Variants in GRM7 observed in about 807,000 individuals in gnomAD.
The protein encoded by GRM7 is metabotropic glutamate receptor 7.
Under a neutral mutation model 84.5 loss-of-function variants are expected in GRM7, and 35 were observed. That is an observed-to-expected ratio of 0.41 (90% CI 0.32 to 0.55). GRM7 has a LOEUF of 0.55. GRM7 is among the 20% of genes least tolerant of loss of function. The pLI is 0.19. For synonymous variants in GRM7, 487 were observed against 455.1 expected (o/e 1.07, Z -0.89); for missense variants, 1,003 against 1,194.6 (o/e 0.84, Z 2.36).
chr3:7,104,702 C>T (rs17046773), intron 1 of GRM7, among the ~76,000 whole-genome samples: 4,162 of 151,716 alleles, frequency 0.027, 187 homozygotes, highest in African/African-American at 0.096. Flanking sequence ...TTTTATCAGT[C>T]ATCAAGCCCG....
intron 2 of GRM7, among the ~76,000 whole-genome samples, chr3:7,243,978 G>A (rs1265377944): frequency 6.6e-6 from 1 of 152,066 alleles, no homozygotes; most frequent in Admixed American, 6.6e-5. Context: ...CACTTGTGTG[G>A]GGCACTTAAC....
intron 4 of GRM7, among the ~76,000 whole-genome samples, chr3:7,327,646 C>T (rs1701039305): frequency 6.6e-6 from 1 of 152,196 alleles, no homozygotes; most frequent in Admixed American, 6.5e-5. Context: ...AATTGGAAGG[C>T]AGTTGGATGA....
chr3:7,426,442 C>T (rs1696616039), intron 5 of GRM7, among the ~76,000 whole-genome samples: 1 of 152,152 alleles, frequency 6.6e-6, no homozygotes, highest in East Asian at 1.9e-4. Context: ...CTGCATTTTT[C>T]TTGCCACAGG....
chr3:7,513,770 GAGA>G (rs1700288423), intron 7 of GRM7, among the ~76,000 whole-genome samples: 1 of 152,082 alleles, frequency 6.6e-6, no homozygotes, highest in Non-Finnish European at 1.5e-5. Flanking sequence ...TAAAAAATTA[GAGA>G]AGAACATCAG....
intron 7 of GRM7, among the ~76,000 whole-genome samples, chr3:7,538,926 T>C (rs1037397548): frequency 6.6e-6 from 1 of 152,184 alleles, no homozygotes; most frequent in African/African-American, 2.4e-5. Flanking sequence ...GGACTGCAAC[T>C]AGTAAGAGAA....
chr3:7,249,579 A>G (rs1327919700), intron 2 of GRM7, among the ~76,000 whole-genome samples: 1 of 152,208 alleles, frequency 6.6e-6, no homozygotes, highest in Non-Finnish European at 1.5e-5. Flanking sequence ...GATAAGGGAA[A>G]CAAAATTGGA....
chr3:7,617,893 A>T (rs1417747768), intron 8 of GRM7, among the ~76,000 whole-genome samples: 1 of 152,130 alleles, frequency 6.6e-6, no homozygotes, highest in African/African-American at 2.4e-5. Flanking sequence ...GCTCAGGACA[A>T]TGTGGAGGAA....
intron 2 of GRM7, among the ~76,000 whole-genome samples, chr3:7,287,824 A>G (rs1296666406): frequency 3.3e-5 from 5 of 152,152 alleles, no homozygotes; most frequent in African/African-American, 1.2e-4. Flanking sequence ...TGCGGGACTA[A>G]TGTATCTTAG....
chr3:6,871,393 A>G lies in GRM7; in HGVS notation c.519+9486A>G, dbSNP rs569921145. Among the ~76,000 whole-genome samples the G allele has an allele frequency of 3.3e-5, 5 of 152,236 alleles. No individual in the cohort carries two copies. The South Asian group carries it at 1.0e-3, about 32-fold the overall frequency. On this transcript the variant is annotated intron_variant, in intron 1 of 9. Coordinates refer to ENST00000357716, the MANE Select transcript of GRM7 (RefSeq NM_000844.4). ...CTTAGTTGAAAATTTGTCATCACTG[A>G]TACGCATGATGAAATTTAGGTAGTT...
intron 8 of GRM7, among the ~76,000 whole-genome samples, chr3:7,641,252 A>G (rs1698353980): frequency 6.6e-6 from 1 of 152,214 alleles, no homozygotes; most frequent in African/African-American, 2.4e-5. Flanking sequence ...GTAATAAGTC[A>G]TCTGAAATTT....
At chr3:7,007,965 G>A (rs935530915) in intron 1 of GRM7, among the ~76,000 whole-genome samples, 8 of 152,098 alleles carry the variant, frequency 5.3e-5, no homozygotes, top group African/African-American at 1.2e-4. Flanking sequence ...TGTTCAAAAC[G>A]TTCCCTCTCA....
chr3:7,112,018 T>C (rs1692870152), intron 1 of GRM7, among the ~76,000 whole-genome samples: 1 of 152,084 alleles, frequency 6.6e-6, no homozygotes, highest in Admixed American at 6.6e-5. Flanking sequence ...CAATAATTGA[T>C]GAAGTTGGAA....
intron 1 of GRM7, among the ~76,000 whole-genome samples, chr3:6,888,059 C>A (rs1446625375): frequency 1.3e-5 from 2 of 152,118 alleles, no homozygotes; most frequent in Non-Finnish European, 2.9e-5. Flanking sequence ...ATGTCCCTTG[C>A]CCACTTTTGG....
intron 9 of GRM7, among the ~76,000 whole-genome samples, chr3:7,717,265 T>C (rs1701797392): frequency 6.6e-6 from 1 of 152,148 alleles, no homozygotes; most frequent in Non-Finnish European, 1.5e-5. Context: ...CTTCCAAAAC[T>C]TACTTCTTAA....
chr3:6,905,829 G>T (rs1574997634), intron 1 of GRM7, among the ~76,000 whole-genome samples: 2 of 152,014 alleles, frequency 1.3e-5, no homozygotes, highest in Non-Finnish European at 2.9e-5. Flanking sequence ...AGCTTCATTG[G>T]GTGGTTCTTA....
intron 1 of GRM7, among the ~76,000 whole-genome samples, chr3:7,030,294 G>A (rs998623478): frequency 1.3e-5 from 2 of 152,214 alleles, no homozygotes; most frequent in African/African-American, 4.8e-5. Flanking sequence ...GTTTGTACGT[G>A]TGTGTCAGAA....
chr3:7,413,002 A>C (rs887449429), intron 4 of GRM7, among the ~76,000 whole-genome samples: 5 of 152,098 alleles, frequency 3.3e-5, no homozygotes, highest in African/African-American at 1.2e-4. Context: ...ACACACACAC[A>C]CACACATAAT....
intron 2 of GRM7, among the ~76,000 whole-genome samples, chr3:7,284,416 G>T (rs1178848304): frequency 1.3e-5 from 2 of 151,956 alleles, no homozygotes; most frequent in South Asian, 2.1e-4. Context: ...ATCACATAAT[G>T]AATAGGATGA....
chr3:7,461,476 G>A (rs7644718), intron 6 of GRM7, 107 bp from the exon 7 acceptor site: 1 of 900,896 alleles, frequency 1.1e-6, no homozygotes, highest in Non-Finnish European at 1.8e-6. Flanking sequence ...GGGATATCTA[G>A]TAACTACCTT....
Sources: allele counts gnomAD v4.1 joint callset (sites outside exome capture counted in the v4.1 genomes callset), GRCh38; gene constraint gnomAD v4.1.1; transcripts MANE v1.5; gene names NCBI Gene and HGNC (gene_info 2026-07-23, HGNC 2026-07-21).